The following FBN1 variants were observed in gnomAD, a reference collection of about 807,000 sequenced individuals.
The protein encoded by FBN1 is fibrillin-1.
Under a neutral mutation model 365.1 loss-of-function variants are expected in FBN1, and 29 were observed. The observed-to-expected ratio is 0.08, with a 90% CI of 0.06 to 0.11. The LOEUF is 0.11. Among genes scored for constraint, FBN1 ranks in the 10% least tolerant of loss-of-function variants. FBN1 has a pLI of 1.00. For missense variants in FBN1, 2,476 were observed against 3,703.2 expected, an observed-to-expected ratio of 0.67 and a Z score of 8.60; for synonymous variants, 1,210 against 1,270.5, an observed-to-expected ratio of 0.95 and a Z score of 1.01.
chr15:48,574,136 A>G (rs916176829), intron 6 of FBN1, among the ~76,000 whole-genome samples: 3 of 152,342 alleles, frequency 2.0e-5, no homozygotes, highest in African/African-American at 7.2e-5. Context: ...TCAGTGGTAC[A>G]ATATTAGACC....
intron 60 of FBN1, among the ~76,000 whole-genome samples, 164 bp downstream of exon 60, chr15:48,425,205 T>C (rs2303504): frequency 0.025 from 3,753 of 152,242 alleles, 82 homozygotes; most frequent in East Asian, 0.081. Flanking sequence ...TTTAGCCTCC[T>C]TCCCTCCAGC....
chr15:48,494,151 CA>C, intron 23 of FBN1, 52 bp downstream of exon 23: 2 of 1,424,582 alleles, frequency 1.4e-6, no homozygotes, highest in Non-Finnish European at 2.0e-6. Context: ...CGAGTTAACA[CA>C]AACATTCATT....
chr15:48,628,911 A>G (rs888067275), intron 2 of FBN1, among the ~76,000 whole-genome samples: 1 of 152,222 alleles, frequency 6.6e-6, no homozygotes, highest in Non-Finnish European at 1.5e-5. Context: ...TCTTCTTGAA[A>G]AAAAAGTTAA....
chr15:48,619,607 C>T (rs2140747677), intron 2 of FBN1, among the ~76,000 whole-genome samples: 1 of 152,242 alleles, frequency 6.6e-6, no homozygotes. Context: ...ATCAATAGCT[C>T]CTCTTCCTGT....
chr15:48,474,954 T>A (rs565510272), intron 32 of FBN1, among the ~76,000 whole-genome samples: 5 of 152,282 alleles, frequency 3.3e-5, no homozygotes, highest in African/African-American at 1.2e-4. Flanking sequence ...GTTGCTTAAT[T>A]TTCTATGGTT....
intron 60 of FBN1, among the ~76,000 whole-genome samples, chr15:48,423,452 C>T (rs2042957879): frequency 6.6e-6 from 1 of 152,216 alleles, no homozygotes. Context: ...GATATGCACT[C>T]TCTGTTCAGC....
At chr15:48,588,291 T>C (rs2140699266) in intron 6 of FBN1, among the ~76,000 whole-genome samples, 1 of 152,300 alleles carries the variant, frequency 6.6e-6, no homozygotes, top group African/African-American at 2.4e-5. Flanking sequence ...AAATATATTA[T>C]TAAAATTAAT....
rs148835811 is a variant in FBN1, at chr15:48,455,509, C to A, written c.5422+1128G>T. ...ATGTTTGAGAGGGGGAAAAGTGCGG[C>A]TGTGAGGGAGGCAGCCAACTCTAGC... On this transcript the variant is annotated intron_variant, in intron 44 of 65. Transcript: ENST00000316623. Among the ~76,000 whole-genome samples the A allele has an allele frequency of 5.0e-3, 757 of 152,312 alleles. 5 individuals are homozygous for A. The highest frequency in any genetic ancestry group is 0.017 in the African/African-American group (726 of 41,570).
intron 63 of FBN1, among the ~76,000 whole-genome samples, chr15:48,418,836 A>G (rs1319456153): frequency 6.6e-6 from 1 of 152,222 alleles, no homozygotes; most frequent in African/African-American, 2.4e-5. Context: ...TGCACTGTTC[A>G]TGTTAGCTGT....
At chr15:48,419,227 T>C (rs2141218953) in intron 63 of FBN1, among the ~76,000 whole-genome samples, 1 of 152,298 alleles carries the variant, frequency 6.6e-6, no homozygotes, top group Non-Finnish European at 1.5e-5. Flanking sequence ...TTTTAGAGTG[T>C]CCAGCCAGGA....
At chr15:48,510,655 A>G (rs548525795) in intron 13 of FBN1, among the ~76,000 whole-genome samples, 1 of 152,302 alleles carries the variant, frequency 6.6e-6, no homozygotes, top group East Asian at 1.9e-4. Context: ...CCTTATACCA[A>G]TTCTGGTTTA....
intron 42 of FBN1, among the ~76,000 whole-genome samples, chr15:48,462,546 T>C (rs2043287245): frequency 7.6e-6 from 1 of 131,690 alleles, no homozygotes; most frequent in African/African-American, 2.9e-5. Context: ...GGGCTAAAAT[T>C]ATTGCTTATT....
chr15:48,531,881 G>C (rs753873457), intron 8 of FBN1, among the ~76,000 whole-genome samples: 1 of 151,780 alleles, frequency 6.6e-6, no homozygotes, highest in Admixed American at 6.6e-5. Context: ...AGAAGGAAAA[G>C]AAGGAAAAAA....
In FBN1 at chr15:48,638,130, G is replaced by T. The variant is rs111325484; in HGVS notation, c.164+6476C>A. ...GCTCACTGCAGCCTCAACCCTCTGG[G>T]CTCAAGTGATCCTCCTGCCTCAGCC... On this transcript the variant is annotated intron_variant, in intron 2 of 65. Coordinates refer to ENST00000316623, the MANE Select transcript of FBN1 (RefSeq NM_000138.5). Among the ~76,000 whole-genome samples, 1,106 of 151,852 alleles carry T rather than the reference G, an allele frequency of 7.3e-3. 13 individuals carry two copies. The highest frequency in any genetic ancestry group is 0.026 in the African/African-American group (1,063 of 41,374).
In FBN1 at chr15:48,610,943, T is replaced by C. The variant is rs1023584594; in HGVS notation, c.248-117A>G. ...AGGTCCCTCACAAACTTTGCTATCA[T>C]GACTTATATGACCTTAAGCCTCAGG... On this transcript the variant is annotated intron_variant, in intron 3 of 65. Coordinates refer to ENST00000316623, the MANE Select transcript of FBN1 (RefSeq NM_000138.5). 9 of 754,142 alleles carry C rather than the reference T, an allele frequency of 1.2e-5. No individual in the cohort carries two copies. The Middle Eastern group carries it at 6.8e-4, about 57-fold the overall frequency. 46.7% of individuals were successfully genotyped at this position (754,142 alleles called of 1,614,324 possible).
chr15:48,520,360 G>C (rs1356023102), intron 10 of FBN1, among the ~76,000 whole-genome samples: 2 of 152,142 alleles, frequency 1.3e-5, no homozygotes, highest in African/African-American at 4.8e-5. Context: ...CTGAGCTTTT[G>C]AGTACTCCAT....
At chr15:48,450,512 T>A (rs1284789107) in intron 45 of FBN1, among the ~76,000 whole-genome samples, 1 of 151,922 alleles carries the variant, frequency 6.6e-6, no homozygotes, top group Non-Finnish European at 1.5e-5. Flanking sequence ...GGATAGGAGG[T>A]CTGAACAGGC....
intron 35 of FBN1, among the ~76,000 whole-genome samples, chr15:48,472,081 G>C (rs1165221887): frequency 6.6e-6 from 1 of 152,228 alleles, no homozygotes; most frequent in Non-Finnish European, 1.5e-5. Context: ...GTATGGACAA[G>C]ACTATTTGCT....
In FBN1 at chr15:48,636,763, C is replaced by T. The variant is rs145163197; in HGVS notation, c.164+7843G>A. ...CAGATGCATATGTGAAGAAGTCATA[C>T]TGCCTGTTCCAGCCCAACTGACATT... On this transcript the variant is annotated intron_variant, in intron 2 of 65. Coordinates refer to ENST00000316623, the MANE Select transcript of FBN1 (RefSeq NM_000138.5). 1.3e-3 allele frequency among the ~76,000 whole-genome samples: 201 copies of T among 152,350 alleles called. 1 individual carries two copies. The highest frequency in any genetic ancestry group is 4.6e-3 in the African/African-American group (192 of 41,588).
Sources: allele counts gnomAD v4.1 joint callset (sites outside exome capture counted in the v4.1 genomes callset), GRCh38; gene constraint gnomAD v4.1.1; transcripts MANE v1.5; gene names NCBI Gene and HGNC (gene_info 2026-07-23, HGNC 2026-07-21).